The following SAMMSON variants were observed in gnomAD, a reference collection of about 807,000 sequenced individuals.
SAMMSON encodes long intergenic non-protein coding RNA 1212.
chr3:70,301,758 T>C (rs1025422549), intron 7 of SAMMSON, among the ~76,000 whole-genome samples: 5 of 152,090 alleles, frequency 3.3e-5, no homozygotes, highest in Admixed American at 2.0e-4. Context: ...ATATAAACTT[T>C]TCATATTTTA....
intron 2 of SAMMSON, among the ~76,000 whole-genome samples, chr3:70,403,138 A>T (rs574098987): frequency 6.6e-6 from 1 of 152,280 alleles, no homozygotes; most frequent in Admixed American, 6.5e-5. Flanking sequence ...ATTATTTTGC[A>T]TAATGAGCAA....
chr3:70,250,955 C>T (rs1453290757), intron 6 of SAMMSON, among the ~76,000 whole-genome samples: 1 of 152,144 alleles, frequency 6.6e-6, no homozygotes, highest in Non-Finnish European at 1.5e-5. Context: ...GAAAGACAAA[C>T]TATTAAGTAA....
chr3:70,236,207 C>T (rs1316811520), intron 4 of SAMMSON, among the ~76,000 whole-genome samples: 1 of 152,124 alleles, frequency 6.6e-6, no homozygotes, highest in Admixed American at 6.5e-5. Flanking sequence ...CGACTTGGCC[C>T]CTTGTGATCT....
intron 3 of SAMMSON, among the ~76,000 whole-genome samples, chr3:70,017,019 G>A (rs375057385): frequency 2.2e-4 from 33 of 152,182 alleles, no homozygotes; most frequent in African/African-American, 4.3e-4. Context: ...GTCAGGTAGC[G>A]TGATGCCTCC....
At chr3:70,191,923 T>G (rs142870503) in intron 4 of SAMMSON, among the ~76,000 whole-genome samples, 4 of 151,880 alleles carry the variant, frequency 2.6e-5, no homozygotes, top group African/African-American at 7.2e-5. Flanking sequence ...AAAATCTACT[T>G]TAGACGGCTG....
chr3:70,090,989 G>A (rs2067302935), intron 4 of SAMMSON, among the ~76,000 whole-genome samples: 1 of 151,992 alleles, frequency 6.6e-6, no homozygotes, highest in Admixed American at 6.6e-5. Flanking sequence ...TTATACTTAG[G>A]CTTGACATGT....
chr3:69,999,991 G>A, intron 1 of SAMMSON: 1 of 152,214 alleles, frequency 6.6e-6, no homozygotes, highest in East Asian at 1.9e-4. Context: ...ATACAACTTT[G>A]CACTCATTCT....
At chr3:70,071,102 T>A (rs907560763) in intron 3 of SAMMSON, among the ~76,000 whole-genome samples, 4 of 151,992 alleles carry the variant, frequency 2.6e-5, no homozygotes, top group Non-Finnish European at 5.9e-5. Context: ...GGTATCGTAT[T>A]TAGAACAGGG....
intron 4 of SAMMSON, among the ~76,000 whole-genome samples, chr3:70,188,986 C>T (rs2106710426): frequency 6.6e-6 from 1 of 152,156 alleles, no homozygotes; most frequent in Non-Finnish European, 1.5e-5. Context: ...GTTCAAACAC[C>T]CCAAAAATCA....
intron 3 of SAMMSON, among the ~76,000 whole-genome samples, chr3:70,025,671 G>A (rs759899925): frequency 2.0e-5 from 3 of 152,162 alleles, no homozygotes; most frequent in Admixed American, 6.5e-5. Flanking sequence ...CCAATCCCAC[G>A]CGGTTCACAA....
chr3:70,380,943 T>C (rs1231451580), intron 9 of SAMMSON, among the ~76,000 whole-genome samples: 1 of 152,224 alleles, frequency 6.6e-6, no homozygotes, highest in Non-Finnish European at 1.5e-5. Context: ...CAGTCTATCA[T>C]TGATGGACAT....
At chr3:70,407,311 C>T (rs1701184798) in intron 2 of SAMMSON, among the ~76,000 whole-genome samples, 1 of 152,196 alleles carries the variant, frequency 6.6e-6, no homozygotes, top group South Asian at 2.1e-4. Flanking sequence ...AACAGTCCCC[C>T]AAAGTCTTAA....
At chr3:70,156,349 G>A (rs1473784661) in intron 4 of SAMMSON, among the ~76,000 whole-genome samples, 3 of 152,012 alleles carry the variant, frequency 2.0e-5, no homozygotes, top group Admixed American at 1.3e-4. Context: ...TGACTGTGCA[G>A]TCGAGTATTT....
chr3:70,085,702 GT>G (rs1185717258), intron 4 of SAMMSON, among the ~76,000 whole-genome samples: 7 of 152,138 alleles, frequency 4.6e-5, no homozygotes, highest in Non-Finnish European at 8.8e-5. Flanking sequence ...TAATATGGTT[GT>G]TGTTAGTAGA....
At chr3:70,362,122 T>C (rs1702876108) in intron 9 of SAMMSON, among the ~76,000 whole-genome samples, 1 of 152,200 alleles carries the variant, frequency 6.6e-6, no homozygotes, top group Non-Finnish European at 1.5e-5. Context: ...GGAAGGATTC[T>C]TTAAATATAC....
intron 9 of SAMMSON, among the ~76,000 whole-genome samples, chr3:70,374,010 G>C (rs1209837067): frequency 6.6e-6 from 1 of 152,144 alleles, no homozygotes. Flanking sequence ...CGCCTCCCAG[G>C]TTCAAGCGAT....
chr3:70,346,803 A>T (rs1177662044), intron 7 of SAMMSON, among the ~76,000 whole-genome samples: 1 of 152,214 alleles, frequency 6.6e-6, no homozygotes, highest in Non-Finnish European at 1.5e-5. Flanking sequence ...GGGCATTACA[A>T]ATGTAATGTT....
intron 9 of SAMMSON, among the ~76,000 whole-genome samples, chr3:70,367,946 C>A (rs1304489069): frequency 6.7e-6 from 1 of 150,034 alleles, no homozygotes; most frequent in African/African-American, 2.4e-5. Flanking sequence ...ATATTTTTGC[C>A]CATTTTAAAA....
At position 70,284,432 on chromosome 3, in the gene SAMMSON, T is replaced by C. The variant is rs531733197; in HGVS notation, n.675-6747T>C. Among the ~76,000 whole-genome samples the C allele has an allele frequency of 2.0e-5, 3 of 152,234 alleles. No individual in the cohort carries two copies. In the East Asian group the frequency reaches 5.8e-4, roughly 29 times the overall value. The stretch of plus-strand genomic sequence containing the variant: ...AAAGCAAAAACAAAAAGAGAACCTC[T>C]CACTTTGAAGAATGACAAGAGATTG... On this transcript the variant is annotated intron_variant and non_coding_transcript_variant, in intron 6 of 9. Coordinates refer to ENST00000642114, the Ensembl canonical transcript of SAMMSON.
Sources: allele counts gnomAD v4.1 joint callset (sites outside exome capture counted in the v4.1 genomes callset), GRCh38; gene constraint gnomAD v4.1.1; transcripts MANE v1.5; gene names NCBI Gene and HGNC (gene_info 2026-07-23, HGNC 2026-07-21).